Variants in ASMTL observed in about 807,000 individuals in gnomAD.
ASMTL encodes the protein probable bifunctional dTTP/UTP pyrophosphatase/methyltransferase protein.
In ASMTL, 57 loss-of-function variants were observed where a neutral mutation model predicts 60.3. The ratio of observed to expected loss-of-function variants is 0.95; its 90% confidence interval spans 0.76 to 1.18. The LOEUF is 1.18. Among genes scored for constraint, ASMTL ranks in the 50% most tolerant of loss-of-function variants. ASMTL has a pLI of 0.00. For synonymous variants in ASMTL, 419 were observed against 373.0 expected, an observed-to-expected ratio of 1.12 and a Z score of -1.42; for missense variants, 981 against 852.6, an observed-to-expected ratio of 1.15 and a Z score of -1.88.
At chrX:1,431,544 A>C (rs1455896747) in intron 6 of ASMTL, among the ~76,000 whole-genome samples, 10 of 141,662 alleles carry the variant, frequency 7.1e-5, no homozygotes, top group African/African-American at 2.3e-4. Context: ...AAAAGTGTTA[A>C]TATATAATCT....
At chrX:1,428,379 CG>C (rs1334420937) in intron 6 of ASMTL, among the ~76,000 whole-genome samples, 8 of 151,220 alleles carry the variant, frequency 5.3e-5, no homozygotes, top group African/African-American at 1.7e-4. Context: ...CAATGGCTCA[CG>C]GCTGTAATCC....
chrX:1,425,552 T>C lies in ASMTL; in HGVS notation c.1033A>G (p.Met345Val), dbSNP rs2090592690. ...MERLLDICAA[M>V]GLLEKTEQGY... ...TGCTCTGTCTTCTCCAGGAGCCCCA[T>C]GGCAGCACAGATGTCCAGAAGCCTC... is the stretch of plus-strand genomic sequence containing the variant. Residue 345 changes from methionine (M) to valine (V), a missense_variant, in exon 8 of 13, where the codon ATG (methionine) becomes GTG (valine). Transcript: ENST00000381317. The C allele has an allele frequency of 1.9e-6, 3 of 1,613,336 alleles. No individual in the cohort carries two copies. The South Asian group carries it at 3.3e-5, about 18-fold the overall frequency.
intron 11 of ASMTL, among the ~76,000 whole-genome samples, chrX:1,415,090 G>A (rs1231099577): frequency 2.0e-5 from 3 of 151,730 alleles, no homozygotes; most frequent in Non-Finnish European, 4.4e-5. Context: ...ATAGGCACCC[G>A]CCACCATGCC....
intron 5 of ASMTL, among the ~76,000 whole-genome samples, chrX:1,432,579 C>T (rs1209046989): frequency 6.6e-6 from 1 of 152,234 alleles, no homozygotes; most frequent in African/African-American, 2.4e-5. Context: ...CCTGTCATCC[C>T]AGCACCTTGG....
intron 1 of ASMTL, among the ~76,000 whole-genome samples, chrX:1,444,951 T>C (rs1465196759): frequency 7.9e-5 from 12 of 152,186 alleles, no homozygotes; most frequent in African/African-American, 2.2e-4. Flanking sequence ...TTTCGCTCCC[T>C]AACCCTTGCT....
intron 12 of ASMTL, among the ~76,000 whole-genome samples, chrX:1,406,115 GGTAGATGGATGT>G (rs1170093005): frequency 6.7e-6 from 1 of 149,858 alleles, no homozygotes; most frequent in Admixed American, 6.6e-5. Context: ...TAGGTAGGTA[GGTAGATGGATGT>G]ATAGATGGAT....
In ASMTL at chrX:1,432,161, C is replaced by CG. The variant is rs1261191643; in HGVS notation, c.509+107dup. ...GGCTCTCCCTGTGCCACACGGCCCC[C>CG]GGAGCGGGGCCTCCTTCTTTCCCAA... is the stretch of plus-strand genomic sequence containing the variant. On this transcript the variant is annotated intron_variant, in intron 6 of 12. Coordinates refer to ENST00000381317, the MANE Select transcript of ASMTL (RefSeq NM_004192.4). 4.5e-6 allele frequency: 4 copies of CG among 893,500 alleles called. No individual in the cohort carries two copies. In the African/African-American group the frequency reaches 6.7e-5, roughly 15 times the overall value. The allele number at this position is 893,500 out of a possible 1,614,324, so 55.3% of individuals were successfully genotyped here. A position where few individuals can be genotyped will look rare whatever the true frequency, so the allele number is the denominator to read the frequency against.
chrX:1,423,569 C>T (rs2090532191), intron 8 of ASMTL, among the ~76,000 whole-genome samples: 1 of 151,712 alleles, frequency 6.6e-6, no homozygotes, highest in African/African-American at 2.4e-5. Context: ...CCCACCCATC[C>T]AGTTATCCAC....
chrX:1,404,104 A>T (rs1189870902), intron 12 of ASMTL, among the ~76,000 whole-genome samples: 1 of 136,838 alleles, frequency 7.3e-6, no homozygotes, highest in East Asian at 2.3e-4. Context: ...TAGGAAGATG[A>T]ATAGATGGGT....
intron 10 of ASMTL, 57 bp downstream of exon 10, chrX:1,418,925 G>C: frequency 1.2e-6 from 2 of 1,607,714 alleles, no homozygotes; most frequent in Non-Finnish European, 1.7e-6. Flanking sequence ...GAGCAGGGAA[G>C]ATACCTGTGG....
At chrX:1,438,069 A>G (rs1443667193) in intron 3 of ASMTL, among the ~76,000 whole-genome samples, 1 of 151,304 alleles carries the variant, frequency 6.6e-6, no homozygotes, top group Non-Finnish European at 1.5e-5. Context: ...TGGGCAGATC[A>G]CTTGAGGTCG....
At chrX:1,439,002 T>C (rs2091042527) in intron 3 of ASMTL, 95 bp downstream of exon 3, 3 of 1,358,106 alleles carry the variant, frequency 2.2e-6, no homozygotes, top group Admixed American at 1.7e-5. Context: ...CACTGCTGTC[T>C]TAAGGGGAAT....
intron 4 of ASMTL, 74 bp from the exon 5 acceptor site, chrX:1,435,157 C>A (rs1304473145): frequency 8.5e-5 from 128 of 1,510,300 alleles, no homozygotes; most frequent in Non-Finnish European, 1.1e-4. Context: ...TTCTCAAAAC[C>A]AGGGGAGGCA....
intron 9 of ASMTL, 23 bp from the exon 10 acceptor site, chrX:1,419,137 G>A (rs372096150): frequency 1.2e-4 from 190 of 1,609,354 alleles, no homozygotes; most frequent in Non-Finnish European, 1.5e-4. Context: ...AGGTGCTTAG[G>A]GGCACCAGAG....
At position 1,439,088 on chromosome X, in the gene ASMTL, C is replaced by T. The variant is rs771507923; in HGVS notation, c.273+9G>A. 3.1e-5 allele frequency: 50 copies of T among 1,613,780 alleles called. No individual in the cohort carries two copies. The highest frequency in any genetic ancestry group is 1.6e-4 in the Middle Eastern group (1 of 6,078). On this transcript the variant is annotated intron_variant, in intron 3 of 12. Coordinates refer to ENST00000381317, the MANE Select transcript of ASMTL (RefSeq NM_004192.4). The stretch of plus-strand genomic sequence containing the variant: ...GACATTAGAAACGAGGCACCCTGGC[C>T]GCACTCACCACGATCGTGTCCGCTC...
At chrX:1,452,622 TC>T in intron 1 of ASMTL, 125 bp downstream of exon 1, 1 of 735,144 alleles carries the variant, frequency 1.4e-6, no homozygotes, top group Non-Finnish European at 2.1e-6. Flanking sequence ...CACTCTCCCC[TC>T]CCCCATCCCT....
intron 3 of ASMTL, among the ~76,000 whole-genome samples, chrX:1,436,771 T>C (rs1219852696): frequency 2.0e-5 from 3 of 152,254 alleles, no homozygotes; most frequent in Admixed American, 2.0e-4. Context: ...CTGTTGTGAA[T>C]AGTGCTGCTG....
chrX:1,421,122 G>A (rs1224667671), intron 9 of ASMTL, among the ~76,000 whole-genome samples: 1 of 151,768 alleles, frequency 6.6e-6, no homozygotes, highest in East Asian at 1.9e-4. Context: ...ATCATCCCCA[G>A]CTAATTTTTT....
rs140947439 is a variant in ASMTL, at chrX:1,403,570, A to G, written c.1646-81T>C. 2.8e-3 allele frequency: 3,693 copies of G among 1,326,234 alleles called. 98 individuals are homozygous for G. The Admixed American group carries it at 0.045, about 16-fold the overall frequency. 82.2% of individuals were successfully genotyped at this position (1,326,234 alleles called of 1,614,324 possible). On this transcript the variant is annotated intron_variant, in intron 12 of 12. Transcript: ENST00000381317. ...CAGGACACAGGGGACACAGCAGGCAACAGGAGCTCAGAACGGTGAGCAGAG... is the reference window on the plus strand; with the variant it reads ...CAGGACACAGGGGACACAGCAGGCAGCAGGAGCTCAGAACGGTGAGCAGAG...
Sources: allele counts gnomAD v4.1 joint callset (sites outside exome capture counted in the v4.1 genomes callset), GRCh38; gene constraint gnomAD v4.1.1; transcripts MANE v1.5; gene names NCBI Gene and HGNC (gene_info 2026-07-23, HGNC 2026-07-21).